The following HACD1 variants were observed in gnomAD, a reference collection of about 807,000 sequenced individuals.
HACD1 encodes very-long-chain (3R)-3-hydroxyacyl-CoA dehydratase 1.
A neutral mutation model predicts 32.0 loss-of-function variants in HACD1; 41 were observed. The ratio of observed to expected loss-of-function variants is 1.28; its 90% CI spans 1.00 to 1.66. The LOEUF is 1.66. Among genes scored for constraint, HACD1 ranks in the 40% most tolerant of loss-of-function variants. HACD1 has a pLI of 0.00. For missense variants in HACD1, 396 were observed against 380.1 expected (o/e 1.04, Z -0.35); for synonymous variants, 142 against 139.0 (o/e 1.02, Z -0.15).
Position 17,617,287 on chromosome 10 carries a change from C to A in HACD1, c.53G>T (p.Gly18Val), listed in dbSNP as rs782257270. Residue 18 changes from glycine to valine, a missense_variant, in exon 1 of 7, where the codon GGC (glycine) becomes GTC (valine). By Grantham distance (109) the Gly-to-Val change is moderately radical (BLOSUM62 -3). Transcript: ENST00000361271. ...GAGCGTGGGAGGGGACCCTGCCCAG[C>A]CTGCAGCCCGAGAGCCGCTGCCCGC... ...AAAGSGSRAA[G>V]WAGSPPTLLP... 5.7e-5 allele frequency: 83 copies of A among 1,460,622 alleles called. No individual in the cohort carries two copies. The highest frequency in any genetic ancestry group is 4.2e-4 in the South Asian group (32 of 75,802). 90.5% of individuals were successfully genotyped at this position (1,460,622 alleles called of 1,614,324 possible). A position where few individuals can be genotyped will look rare whatever the true frequency, so the allele number is the denominator to read the frequency against.
At chr10:17,605,114 T>A (rs1387439863) in intron 1 of HACD1, among the ~76,000 whole-genome samples, 2 of 152,160 alleles carry the variant, frequency 1.3e-5, no homozygotes, top group African/African-American at 4.8e-5. Flanking sequence ...AATGAGGAGT[T>A]AGCGTTCACT....
chr10:17,613,100 GT>G (rs1564512177), intron 1 of HACD1, among the ~76,000 whole-genome samples: 84 of 8,012 alleles, frequency 0.01, no homozygotes, highest in African/African-American at 0.025. Flanking sequence ...AATTTGGGGT[GT>G]GTGTGTGTGT....
intron 1 of HACD1, among the ~76,000 whole-genome samples, chr10:17,616,758 G>T (rs1406572669): frequency 6.6e-6 from 1 of 151,958 alleles, no homozygotes; most frequent in African/African-American, 2.4e-5. Context: ...AGGGCTGGGC[G>T]CTCCTTCAAC....
At chr10:17,594,847 G>GTT (rs782329972) in intron 5 of HACD1, among the ~76,000 whole-genome samples, 29 of 132,016 alleles carry the variant, frequency 2.2e-4, no homozygotes, top group African/African-American at 7.8e-4. Flanking sequence ...AATTTTTGGT[G>GTT]TTTTTTTTTT....
Position 17,603,667 on chromosome 10 carries a change from T to C in HACD1, c.395-19A>G, listed in dbSNP as rs746376994. ...ACAATTCCTTAAAAAGAAAAACAAG[T>C]GAACTATTGCCCTAAAGGCAATTTA... On this transcript the variant is annotated intron_variant, in intron 3 of 6. Coordinates refer to ENST00000361271, the MANE Select transcript of HACD1 (RefSeq NM_014241.4). The C allele has an allele frequency of 2.5e-6, 4 of 1,608,990 alleles. No individual in the cohort carries two copies. Among genetic ancestry groups the C allele is most frequent in the Non-Finnish European group, 3.4e-6 (4 of 1,175,768 alleles).
chr10:17,599,239 A>T (rs1318733268), intron 5 of HACD1, 51 bp downstream of exon 5: 8 of 1,594,252 alleles, frequency 5.0e-6, no homozygotes, highest in Non-Finnish European at 5.1e-6. Flanking sequence ...GTTAGCACAC[A>T]AAATAAGCAT....
At chr10:17,600,974 T>C (rs1320843825) in intron 4 of HACD1, among the ~76,000 whole-genome samples, 2 of 152,072 alleles carry the variant, frequency 1.3e-5, no homozygotes, top group East Asian at 3.9e-4. Context: ...GTGCGTGATT[T>C]AACGTTAAGT....
chr10:17,617,065 GC>G lies in HACD1; in HGVS notation c.257+17del. 6.8e-7 allele frequency: 1 copy of G among 1,465,758 alleles called. No individual in the cohort carries two copies. Among genetic ancestry groups the G allele is most frequent in the Non-Finnish European group, 9.0e-7 (1 of 1,112,384 alleles). 90.8% of individuals were successfully genotyped at this position (1,465,758 alleles called of 1,614,324 possible). On this transcript the variant is annotated intron_variant, in intron 1 of 6. Transcript: ENST00000361271. ...CGCGGCGCGGGGAGGGCCCGAGGGT[GC>G]CCCGCGGCGCGCGTACCCCGCGGTC...
intron 5 of HACD1, among the ~76,000 whole-genome samples, chr10:17,596,417 A>G (rs1329054554): frequency 1.3e-5 from 2 of 151,940 alleles, no homozygotes; most frequent in Admixed American, 1.3e-4. Context: ...GACATTTTAT[A>G]TACCTGTCTC....
At chr10:17,617,051 G>A (rs1833098393) in intron 1 of HACD1, 32 bp downstream of exon 1, 8 of 1,403,686 alleles carry the variant, frequency 5.7e-6, no homozygotes, top group Admixed American at 3.4e-5. Flanking sequence ...GCGGCGCGGG[G>A]AGGGCCCGAG....
chr10:17,611,221 C>T (rs531456551), intron 1 of HACD1, among the ~76,000 whole-genome samples: 2 of 152,072 alleles, frequency 1.3e-5, no homozygotes, highest in South Asian at 2.1e-4. Flanking sequence ...AGGATGGTCT[C>T]GATCTCCTGA....
chr10:17,603,413 T>C (rs1834099131), intron 4 of HACD1, 147 bp downstream of exon 4: 1 of 676,932 alleles, frequency 1.5e-6, no homozygotes, highest in African/African-American at 1.8e-5. Context: ...AGGCACTAAG[T>C]CAATGCACAA....
At chr10:17,604,213 C>T (rs1002214109) in intron 1 of HACD1, among the ~76,000 whole-genome samples, 166 bp from the exon 2 acceptor site, 2 of 152,042 alleles carry the variant, frequency 1.3e-5, no homozygotes, top group African/African-American at 2.4e-5. Flanking sequence ...AGGCCTGGCA[C>T]GGTGGCTCAT....
rs541979992 is a variant in HACD1, at chr10:17,608,188, G to T, written c.258-4141C>A. 5.3e-4 allele frequency among the ~76,000 whole-genome samples: 81 copies of T among 152,026 alleles called. No individual in the cohort carries two copies. The South Asian group carries it at 0.011, about 20-fold the overall frequency. On this transcript the variant is annotated intron_variant, in intron 1 of 6. Transcript: ENST00000361271. ...CCATACCTGGCTCATTATTGTTCTTGCTGTTGTGGGGTTTTTTTTAGTAGA... is the reference window on the plus strand; with the variant it reads ...CCATACCTGGCTCATTATTGTTCTTTCTGTTGTGGGGTTTTTTTTAGTAGA...
At chr10:17,596,454 G>C (rs1172122853) in intron 5 of HACD1, among the ~76,000 whole-genome samples, 1 of 149,758 alleles carries the variant, frequency 6.7e-6, no homozygotes, top group Non-Finnish European at 1.5e-5. Flanking sequence ...TGATTAAGTT[G>C]CAATTTTTAC....
chr10:17,598,293 A>G (rs1222723477), intron 5 of HACD1, among the ~76,000 whole-genome samples: 1 of 150,776 alleles, frequency 6.6e-6, no homozygotes, highest in Non-Finnish European at 1.5e-5. Context: ...AAAAAAACCC[A>G]TAAAACACAA....
At position 17,598,884 on chromosome 10, in the gene HACD1, C is replaced by T. The variant is rs1209522708; in HGVS notation, c.605+406G>A. Among the ~76,000 whole-genome samples the T allele has an allele frequency of 6.6e-5, 10 of 151,882 alleles. No individual in the cohort carries two copies. The East Asian group carries it at 9.6e-4, about 15-fold the overall frequency. ...ACTTAAAGCAAAGAAAAAAACCAAT[C>T]GCATTGTGTAAATGGTATAAATTGT... On this transcript the variant is annotated intron_variant, in intron 5 of 6. Transcript: ENST00000361271.
At chr10:17,592,240 C>T (rs1033103190) in intron 6 of HACD1, among the ~76,000 whole-genome samples, 1 of 151,880 alleles carries the variant, frequency 6.6e-6, no homozygotes, top group Non-Finnish European at 1.5e-5. Context: ...CCTTGGCCTC[C>T]CAAAGTGCTG....
At chr10:17,613,097 GGTGT>G (rs56074507) in intron 1 of HACD1, among the ~76,000 whole-genome samples, 24,653 of 132,458 alleles carry the variant, frequency 0.19, 2,343 homozygotes, top group African/African-American at 0.22. Context: ...TGCAATTTGG[GGTGT>G]GTGTGTGTGT....
Sources: gnomAD v4.1 joint callset for allele counts (sites outside exome capture counted in the v4.1 genomes callset) on GRCh38, gnomAD v4.1.1 for gene constraint, MANE v1.5 for transcripts, NCBI Gene and HGNC (gene_info 2026-07-23, HGNC 2026-07-21) for gene names.